PPFIA2: variants seen among roughly 807,000 people sequenced by gnomAD.
PPFIA2 encodes the protein PPFI scaffold protein A2, also known as liprin-alpha-2.
Under a neutral mutation model 175.5 loss-of-function variants are expected in PPFIA2, and 46 were observed. The observed-to-expected ratio is 0.26, with a 90% confidence interval of 0.21 to 0.34. PPFIA2 has a LOEUF of 0.34. PPFIA2 is among the 10% of genes least tolerant of loss of function. The probability of loss-of-function intolerance (pLI) is 1.00; values close to 1 mark genes in which losing one functional copy is unlikely to be tolerated. For missense variants in PPFIA2, 1,179 were observed against 1,506.1 expected (o/e 0.78, Z 3.60); for synonymous variants, 568 against 511.4 (o/e 1.11, Z -1.49).
intron 4 of PPFIA2, among the ~76,000 whole-genome samples, chr12:81,553,814 T>C (rs1398768299): frequency 2.0e-5 from 3 of 152,054 alleles, no homozygotes; most frequent in African/African-American, 7.2e-5. Context: ...AGGTGGTGTT[T>C]TAAGCCTCCA....
intron 4 of PPFIA2, among the ~76,000 whole-genome samples, chr12:81,597,712 T>C (rs1478409712): frequency 1.4e-5 from 2 of 146,426 alleles, no homozygotes; most frequent in South Asian, 2.2e-4. Context: ...CTGTAGCAGA[T>C]TTAAAAATTC....
At chr12:81,341,296 T>C (rs994869296) in intron 19 of PPFIA2, 88 bp from the exon 20 acceptor site, 2 of 1,308,684 alleles carry the variant, frequency 1.5e-6, no homozygotes, top group East Asian at 2.4e-5. Flanking sequence ...AACAAGGCTG[T>C]CGAGTAATTT....
intron 22 of PPFIA2, among the ~76,000 whole-genome samples, chr12:81,300,675 G>A (rs1038948883): frequency 6.6e-6 from 1 of 152,160 alleles, no homozygotes; most frequent in African/African-American, 2.4e-5. Context: ...CGATACTCGT[G>A]CTCTGAATCT....
At chr12:81,450,754 G>A (rs2052407303) in intron 5 of PPFIA2, among the ~76,000 whole-genome samples, 1 of 151,978 alleles carries the variant, frequency 6.6e-6, no homozygotes, top group African/African-American at 2.4e-5. Flanking sequence ...TTTCTTCTAG[G>A]GTTTTTATGG....
At chr12:81,584,516 C>A (rs2074896273) in intron 4 of PPFIA2, among the ~76,000 whole-genome samples, 1 of 151,454 alleles carries the variant, frequency 6.6e-6, no homozygotes, top group African/African-American at 2.4e-5. Flanking sequence ...AGTTATACAT[C>A]ATCTAATGAC....
rs558148851 is a variant in PPFIA2 at position 81,651,370 on chromosome 12, C to T, written c.303+25421G>A. On this transcript the variant is annotated intron_variant, in intron 4 of 32. Transcript: ENST00000549396. ...TTAAGATGTAAAACAGAGATTTATT[C>T]TTCCTGCAGGCAGAAACATTAACAA... Among the ~76,000 whole-genome samples, 615 of 152,242 alleles carry T rather than the reference C, an allele frequency of 4.0e-3. 2 individuals carry two copies. The highest frequency in any genetic ancestry group is 0.014 in the African/African-American group (578 of 41,552).
At chr12:81,320,596 C>A (rs904564636) in intron 22 of PPFIA2, among the ~76,000 whole-genome samples, 1 of 151,742 alleles carries the variant, frequency 6.6e-6, no homozygotes, top group African/African-American at 2.4e-5. Context: ...TATCTTTCAA[C>A]TTAAGTTACA....
chr12:81,748,549 T>A lies in PPFIA2; in HGVS notation c.249+5424A>T, dbSNP rs144926684. ...ATTAGACACATGGCATAGAGGTGAA[T>A]GGCCCCAGTTGGCTCAGCCAAGGCT... is the stretch of plus-strand genomic sequence containing the variant. On this transcript the variant is annotated intron_variant, in intron 3 of 32. Coordinates refer to ENST00000549396, the MANE Select transcript of PPFIA2 (RefSeq NM_003625.5). Among the ~76,000 whole-genome samples, 16 of 144,612 alleles carry A rather than the reference T, an allele frequency of 1.1e-4. 1 individual carries two copies. Among genetic ancestry groups the A allele is most frequent in the South Asian group, 2.3e-4 (1 of 4,398 alleles). 94.9% of individuals were successfully genotyped at this position (144,612 alleles called of 152,430 possible).
chr12:81,664,891 C>T (rs904081864), intron 4 of PPFIA2, among the ~76,000 whole-genome samples: 1 of 152,134 alleles, frequency 6.6e-6, no homozygotes, highest in South Asian at 2.1e-4. Flanking sequence ...TTTGTAGGGA[C>T]ATGGATGAAG....
At chr12:81,575,926 C>T (rs1567407480) in intron 4 of PPFIA2, among the ~76,000 whole-genome samples, 2 of 151,742 alleles carry the variant, frequency 1.3e-5, no homozygotes, top group Non-Finnish European at 1.5e-5. Flanking sequence ...TAAGCATGTG[C>T]TTCCACTTTA....
chr12:81,565,149 C>T (rs2071018840), intron 4 of PPFIA2, among the ~76,000 whole-genome samples: 2 of 152,152 alleles, frequency 1.3e-5, no homozygotes, highest in African/African-American at 4.8e-5. Context: ...CTCCCCGATC[C>T]ATGCTGCCAT....
chr12:81,743,434 A>C (rs969533368), intron 3 of PPFIA2, among the ~76,000 whole-genome samples: 1 of 149,394 alleles, frequency 6.7e-6, no homozygotes, highest in African/African-American at 2.5e-5. Flanking sequence ...AAAAAAAAAA[A>C]AAAAAAAAAA....
intron 4 of PPFIA2, among the ~76,000 whole-genome samples, chr12:81,547,437 A>G (rs1057279510): frequency 4.0e-5 from 6 of 151,308 alleles, no homozygotes; most frequent in Admixed American, 6.6e-5. Context: ...GTGCAATGGC[A>G]TGATCTCCAC....
At chr12:81,633,743 A>T (rs998496672) in intron 4 of PPFIA2, among the ~76,000 whole-genome samples, 3 of 152,072 alleles carry the variant, frequency 2.0e-5, no homozygotes, top group Non-Finnish European at 4.4e-5. Context: ...GATTAAATGG[A>T]GAATATTAGA....
chr12:81,370,662 G>C lies in PPFIA2; in HGVS notation c.1267-1468C>G, dbSNP rs551363151. Among the ~76,000 whole-genome samples the C allele has an allele frequency of 2.0e-5, 3 of 151,966 alleles. No individual in the cohort carries two copies. The South Asian group carries it at 6.2e-4, about 32-fold the overall frequency. On this transcript the variant is annotated intron_variant, in intron 11 of 32. Transcript: ENST00000549396. ...TTCCTTGTAAGCTCATGTTTGCCCA[G>C]TGCCAAGGTTAGATACATGTCTTGG...
chr12:81,379,584 CAATT>C (rs2141858740), intron 9 of PPFIA2, among the ~76,000 whole-genome samples: 1 of 152,220 alleles, frequency 6.6e-6, no homozygotes, highest in African/African-American at 2.4e-5. Context: ...TATCCATACA[CAATT>C]AATAATCCTT....
At chr12:81,578,848 G>T (rs182360119) in intron 4 of PPFIA2, among the ~76,000 whole-genome samples, 1 of 151,746 alleles carries the variant, frequency 6.6e-6, no homozygotes, top group Non-Finnish European at 1.5e-5. Flanking sequence ...GATTTTGCTA[G>T]ATATCATAAA....
chr12:81,537,948 AC>A (rs1447121631), intron 4 of PPFIA2, among the ~76,000 whole-genome samples: 1 of 151,880 alleles, frequency 6.6e-6, no homozygotes, highest in Non-Finnish European at 1.5e-5. Context: ...CAGGACACTA[AC>A]AGTGGATCAA....
chr12:81,377,209 C>T (rs1029051689), intron 9 of PPFIA2, among the ~76,000 whole-genome samples: 2 of 151,890 alleles, frequency 1.3e-5, no homozygotes, highest in African/African-American at 4.8e-5. Flanking sequence ...CATTATTTGA[C>T]TTTGAGAATT....
Sources: allele counts gnomAD v4.1 joint callset (sites outside exome capture counted in the v4.1 genomes callset), GRCh38; gene constraint gnomAD v4.1.1; transcripts MANE v1.5; gene names NCBI Gene and HGNC (gene_info 2026-07-23, HGNC 2026-07-21).